The following NCALD variants were observed in gnomAD, a reference collection of about 807,000 sequenced individuals.
NCALD encodes neurocalcin delta, also known as neurocalcin-delta.
A neutral mutation model predicts 18.6 loss-of-function variants in NCALD; 10 were observed. The observed-to-expected ratio is 0.54, with a 90% CI of 0.33 to 0.91. The LOEUF is 0.91. Among genes scored for constraint, NCALD ranks in the 40% least tolerant of loss-of-function variants. The probability of loss-of-function intolerance (pLI) is 0.03; values close to 1 mark genes in which losing one functional copy is unlikely to be tolerated. For synonymous variants in NCALD, 88 were observed against 87.4 expected, an observed-to-expected ratio of 1.01 and a Z score of -0.04; for missense variants, 184 against 247.6, an observed-to-expected ratio of 0.74 and a Z score of 1.72.
At chr8:102,052,544 G>T (rs558814530) in intron 1 of NCALD, among the ~76,000 whole-genome samples, 3 of 152,184 alleles carry the variant, frequency 2.0e-5, no homozygotes, top group Non-Finnish European at 4.4e-5. Flanking sequence ...GCTTGAAGTG[G>T]TTAAATCCAC....
chr8:101,736,602 G>A (rs1032773197), intron 1 of NCALD, among the ~76,000 whole-genome samples: 3 of 152,160 alleles, frequency 2.0e-5, no homozygotes, highest in African/African-American at 7.2e-5. Flanking sequence ...CCACTTTCCA[G>A]GCCCAGCCAA....
Position 101,907,865 on chromosome 8 carries a change from G to A in NCALD, c.-107+7944C>T, listed in dbSNP as rs1317243956. ...TCAAGCATTTAAAATACTTGAATGT[G>A]TAAAGTTTCACAGTTGGTCATAAGT... On this transcript the variant is annotated intron_variant, in intron 3 of 6. Transcript: ENST00000311028. 2.0e-5 allele frequency among the ~76,000 whole-genome samples: 3 copies of A among 152,330 alleles called. No individual in the cohort carries two copies. In the East Asian group the frequency reaches 5.8e-4, roughly 29 times the overall value.
intron 1 of NCALD, among the ~76,000 whole-genome samples, chr8:102,123,000 C>T (rs1168102406): frequency 2.0e-5 from 3 of 152,244 alleles, no homozygotes; most frequent in Non-Finnish European, 4.4e-5. Flanking sequence ...AGTACCCACA[C>T]TCCCACCATC....
intron 1 of NCALD, among the ~76,000 whole-genome samples, chr8:101,734,303 T>C (rs1586344354): frequency 6.6e-6 from 1 of 152,342 alleles, no homozygotes; most frequent in Middle Eastern, 3.4e-3. Flanking sequence ...GAACATGCCC[T>C]CCTTGGGGAG....
intron 4 of NCALD, among the ~76,000 whole-genome samples, chr8:101,872,841 A>T (rs1586669666): frequency 6.6e-6 from 1 of 152,312 alleles, no homozygotes; most frequent in South Asian, 2.1e-4. Context: ...CAATAGCAGG[A>T]AGTGTATTGA....
chr8:102,011,099 C>T (rs1043743606), intron 2 of NCALD, among the ~76,000 whole-genome samples: 10 of 152,128 alleles, frequency 6.6e-5, no homozygotes, highest in African/African-American at 1.4e-4. Flanking sequence ...TCTCTTGAAA[C>T]TTACCTACTC....
chr8:101,895,214 C>T (rs994005209), intron 3 of NCALD, among the ~76,000 whole-genome samples: 45 of 149,004 alleles, frequency 3.0e-4, no homozygotes, highest in Middle Eastern at 3.4e-3. Context: ...TCGATATACG[C>T]AAATCAATAA....
chr8:102,019,504 T>G (rs561338488), intron 2 of NCALD, among the ~76,000 whole-genome samples: 3 of 152,186 alleles, frequency 2.0e-5, no homozygotes, highest in African/African-American at 7.2e-5. Context: ...CCTAAATAAA[T>G]CAGAAACTAA....
intron 2 of NCALD, among the ~76,000 whole-genome samples, chr8:101,968,324 T>A (rs559461967): frequency 2.0e-5 from 3 of 151,518 alleles, no homozygotes; most frequent in East Asian, 1.9e-4. Flanking sequence ...AAAAAAAAAA[T>A]AGATTTAACT....
At chr8:102,050,668 A>G (rs894526102) in intron 1 of NCALD, among the ~76,000 whole-genome samples, 1 of 147,768 alleles carries the variant, frequency 6.8e-6, no homozygotes. Context: ...TTGTATATAT[A>G]GTATATTCTA....
At chr8:101,760,167 C>T (rs576607697) in intron 1 of NCALD, among the ~76,000 whole-genome samples, 1 of 152,284 alleles carries the variant, frequency 6.6e-6, no homozygotes. Flanking sequence ...AGCAGAACAC[C>T]TCAGATATTG....
rs1298171142 is a variant in NCALD, at chr8:101,836,859, C to T, written c.-20+50282G>A. ...AGACTTTAAGTTTTTATGTTAGTCT[C>T]ATTCATGTAGAAGAATACAAGAGGA... On this transcript the variant is annotated intron_variant, in intron 4 of 6. Transcript: ENST00000311028. Among the ~76,000 whole-genome samples the T allele has an allele frequency of 5.9e-5, 9 of 152,268 alleles. No individual in the cohort carries two copies. The East Asian group carries it at 1.5e-3, about 26-fold the overall frequency.
chr8:101,920,676 T>C (rs1818132307), intron 2 of NCALD, among the ~76,000 whole-genome samples: 1 of 151,972 alleles, frequency 6.6e-6, no homozygotes, highest in African/African-American at 2.4e-5. Flanking sequence ...GAGCTAAACA[T>C]TGGTACACAT....
chr8:101,948,112 T>C (rs191970429), intron 2 of NCALD, among the ~76,000 whole-genome samples: 6 of 152,350 alleles, frequency 3.9e-5, no homozygotes, highest in Non-Finnish European at 7.3e-5. Context: ...GTTTTATATC[T>C]TGAAAAAGTC....
intron 4 of NCALD, among the ~76,000 whole-genome samples, chr8:101,877,753 G>A (rs1472499930): frequency 6.6e-6 from 1 of 151,944 alleles, no homozygotes; most frequent in Non-Finnish European, 1.5e-5. Context: ...TTTCTCACCT[G>A]TTACTGCAAT....
chr8:101,862,510 T>A (rs1376931929), intron 4 of NCALD, among the ~76,000 whole-genome samples: 2 of 152,206 alleles, frequency 1.3e-5, no homozygotes, highest in Admixed American at 6.5e-5. Context: ...TTTGCTATGC[T>A]TTTTTCTAAT....
intron 2 of NCALD, among the ~76,000 whole-genome samples, chr8:101,702,630 G>A (rs2130163866): frequency 6.6e-6 from 1 of 152,314 alleles, no homozygotes; most frequent in Non-Finnish European, 1.5e-5. Context: ...CCAGCACTAT[G>A]CCCTTTTATA....
At chr8:101,856,082 TGAA>T (rs1280188316) in intron 4 of NCALD, among the ~76,000 whole-genome samples, 2 of 152,160 alleles carry the variant, frequency 1.3e-5, no homozygotes, top group Non-Finnish European at 2.9e-5. Flanking sequence ...GAGGAAAAGA[TGAA>T]GAATGGGATC....
At chr8:101,879,374 G>A (rs941382386) in intron 4 of NCALD, among the ~76,000 whole-genome samples, 1 of 152,162 alleles carries the variant, frequency 6.6e-6, no homozygotes, top group African/African-American at 2.4e-5. Flanking sequence ...TTCGCGGGGA[G>A]TATTACAGCT....
Sources: allele counts gnomAD v4.1 joint callset (sites outside exome capture counted in the v4.1 genomes callset), GRCh38; gene constraint gnomAD v4.1.1; transcripts MANE v1.5; gene names NCBI Gene and HGNC (gene_info 2026-07-23, HGNC 2026-07-21).